The following MTHFD1 variants were observed in gnomAD, a reference collection of about 807,000 sequenced individuals.
MTHFD1 encodes the protein methylenetetrahydrofolate dehydrogenase, cyclohydrolase and formyltetrahydrofolate synthetase 1.
In MTHFD1, 44 loss-of-function variants were observed where a neutral mutation model predicts 110.3. That is an observed-to-expected ratio of 0.40 (90% confidence interval 0.31 to 0.51). The LOEUF (loss-of-function observed/expected upper bound fraction) is 0.51. Ranked by LOEUF, MTHFD1 falls within the 20% of genes least tolerant of loss-of-function variation. The pLI, the probability that MTHFD1 is intolerant of heterozygous loss-of-function variation, is 0.60. For missense variants in MTHFD1, 909 were observed against 1,173.1 expected (o/e 0.77, Z 3.29); for synonymous variants, 402 against 428.8 (o/e 0.94, Z 0.77).
At chr14:64,391,931 A>G (rs1324990491) in intron 1 of MTHFD1, among the ~76,000 whole-genome samples, 1 of 152,224 alleles carries the variant, frequency 6.6e-6, no homozygotes, top group Non-Finnish European at 1.5e-5. Context: ...ACTGATGGGT[A>G]GAGACAGACA....
chr14:64,400,825 C>G lies in MTHFD1; in HGVS notation c.74C>G (p.Thr25Ser). The change falls in exon 2 of 28, where the codon ACT becomes AGT. Residue 25 changes from threonine to serine, a missense_variant. Transcript: ENST00000652337. ...AGGGCGAGACTGAAAAATCAAGTCA[C>G]TCAGTTGAAGGAGCAAGTACCTGGT... is the stretch of plus-strand genomic sequence containing the variant. ...QIRARLKNQV[T>S]QLKEQVPGFT... 1 of 1,613,948 alleles carries G rather than the reference C, an allele frequency of 6.2e-7. No individual in the cohort carries two copies. Among genetic ancestry groups the G allele is most frequent in the Non-Finnish European group, 8.5e-7 (1 of 1,179,876 alleles).
At chr14:64,458,573 A>G (rs1239782925) in intron 27 of MTHFD1, 11 of 487,048 alleles carry the variant, frequency 2.3e-5, no homozygotes, top group African/African-American at 3.9e-5. Context: ...CTGTCCAATA[A>G]ACTACAGAGG....
chr14:64,435,182 C>T (rs1461953662), intron 15 of MTHFD1, among the ~76,000 whole-genome samples: 1 of 151,850 alleles, frequency 6.6e-6, no homozygotes, highest in Admixed American at 6.6e-5. Flanking sequence ...AACTCCTGAC[C>T]TCAGGTGATC....
At chr14:64,432,184 T>C (rs1220546683) in intron 15 of MTHFD1, among the ~76,000 whole-genome samples, 1 of 152,238 alleles carries the variant, frequency 6.6e-6, no homozygotes, top group Non-Finnish European at 1.5e-5. Context: ...GTTTGCATCA[T>C]TGGGACCTTA....
intron 8 of MTHFD1, among the ~76,000 whole-genome samples, chr14:64,423,862 G>A (rs2078096277): frequency 6.6e-6 from 1 of 151,856 alleles, no homozygotes; most frequent in Non-Finnish European, 1.5e-5. Context: ...AAGTAGCTGG[G>A]ACTACAGGTG....
rs377397939 is a variant in MTHFD1, at chr14:64,411,098, C to T, written c.135C>T (p.Asn45=). The change falls in exon 3 of 28, where the codon AAC becomes AAT. Residue 45 remains asparagine (N), a synonymous_variant. Coordinates refer to ENST00000652337, the MANE Select transcript of MTHFD1 (RefSeq NM_005956.4). ...TGCATTTATTATTCTAGGTTGGCAA[C>T]AGAGATGATTCCAATCTTTATATAA... ...TPRLAILQVG[N]RDDSNLYINV... The T allele has an allele frequency of 1.2e-5, 20 of 1,611,080 alleles. No homozygotes were observed. In the African/African-American group the frequency reaches 2.0e-4, roughly 16 times the overall value.
intron 22 of MTHFD1, among the ~76,000 whole-genome samples, chr14:64,445,701 C>T (rs1047759221): frequency 2.6e-5 from 4 of 152,282 alleles, no homozygotes; most frequent in Middle Eastern, 3.4e-3. Context: ...CTGATTCACG[C>T]GTAGGAGGGG....
chr14:64,425,758 T>G lies in MTHFD1; in HGVS notation c.884T>G (p.Leu295Arg), dbSNP rs1566564772. 1 of 1,613,254 alleles carries G rather than the reference T, an allele frequency of 6.2e-7. No homozygotes were observed. The highest frequency in any genetic ancestry group is 8.5e-7 in the Non-Finnish European group (1 of 1,179,960). The change falls in exon 10 of 28, where the codon CTG (leucine) becomes CGG (arginine). Residue 295 changes from leucine (L) to arginine (R), a missense_variant. Transcript: ENST00000652337. ...QSTVESAKRF[L>R]EKFKPGKWMI... ...ACAGTAGAGAGTGCCAAGCGTTTCC[T>G]GGAGAAATTTAAGCCAGGAAAGTGG...
chr14:64,392,420 T>G (rs1179176623), intron 1 of MTHFD1, among the ~76,000 whole-genome samples: 1 of 152,190 alleles, frequency 6.6e-6, no homozygotes, highest in East Asian at 1.9e-4. Flanking sequence ...GCTTACTACA[T>G]TTATATGATT....
At chr14:64,401,522 G>A (rs1238773854) in intron 2 of MTHFD1, among the ~76,000 whole-genome samples, 1 of 152,120 alleles carries the variant, frequency 6.6e-6, no homozygotes, top group Non-Finnish European at 1.5e-5. Flanking sequence ...GGCCAACATG[G>A]TGAAACCCCA....
chr14:64,439,320 C>T (rs145005715), intron 17 of MTHFD1, 148 bp downstream of exon 17: 51 of 702,696 alleles, frequency 7.3e-5, no homozygotes, highest in Non-Finnish European at 1.2e-4. Flanking sequence ...AGGTGTGTGG[C>T]ATTGAGCACT....
chr14:64,447,179 CAG>C (rs2078297044), intron 22 of MTHFD1, among the ~76,000 whole-genome samples: 1 of 93,160 alleles, frequency 1.1e-5, no homozygotes, highest in South Asian at 3.6e-4. Flanking sequence ...TTTTTTGAGA[CAG>C]AGTCTTGCTC....
chr14:64,391,023 G>T (rs2077799920), intron 1 of MTHFD1, among the ~76,000 whole-genome samples: 1 of 152,202 alleles, frequency 6.6e-6, no homozygotes, highest in South Asian at 2.1e-4. Context: ...GGCCAGAAAA[G>T]TGATGTGATT....
chr14:64,435,811 T>A, intron 16 of MTHFD1, 140 bp downstream of exon 16: 1 of 696,530 alleles, frequency 1.4e-6, no homozygotes, highest in Non-Finnish European at 2.7e-6. Flanking sequence ...GATGGTGACA[T>A]TATTTCTTTT....
At chr14:64,433,560 G>A (rs1596548409) in intron 15 of MTHFD1, among the ~76,000 whole-genome samples, 1 of 152,094 alleles carries the variant, frequency 6.6e-6, no homozygotes, top group East Asian at 1.9e-4. Context: ...TGAGACTACA[G>A]CCAGGTACCA....
chr14:64,455,224 C>T (rs2078450221), intron 26 of MTHFD1: 1 of 333,876 alleles, frequency 3.0e-6, no homozygotes, highest in African/African-American at 2.1e-5. Context: ...GGGAGCCTTA[C>T]ATAGATTAAC....
intron 26 of MTHFD1, among the ~76,000 whole-genome samples, chr14:64,455,871 G>A (rs1379749989): frequency 6.6e-6 from 1 of 152,222 alleles, no homozygotes. Context: ...GTGGTGCTTA[G>A]CACAAATGCC....
Position 64,442,113 on chromosome 14 carries a change from C to T in MTHFD1, c.1944C>T (p.Ser648=), listed in dbSNP as rs1323467373. ...PFANIAHGNS[S]IIADRIALKL... ...CCAACATCGCACATGGCAATTCCTC[C>T]ATCATTGCAGACCGGATCGCACTCA... Residue 648 remains serine, a synonymous_variant, in exon 20 of 28, where the codon TCC becomes TCT. Transcript: ENST00000652337. The T allele has an allele frequency of 1.9e-6, 3 of 1,614,176 alleles. No homozygotes were observed. The highest frequency in any genetic ancestry group is 2.5e-6 in the Non-Finnish European group (3 of 1,180,026).
In MTHFD1 at chr14:64,397,168, TATATATATATATATATATATATA is replaced by T. The variant is rs1190486671; in HGVS notation, c.42-3623_42-3601del. 9.0e-4 allele frequency among the ~76,000 whole-genome samples: 17 copies of T among 18,788 alleles called. 1 individual carries two copies. The highest frequency in any genetic ancestry group is 4.7e-3 in the African/African-American group (15 of 3,202). The allele number at this position is 18,788 out of a possible 152,430, so 12.3% of individuals were successfully genotyped here. ...ATATATATATATATATATATATATA[TATATATATATATATATATATATA>T]AAAAACAGTAATCTATTGGGGCAGG... On this transcript the variant is annotated intron_variant, in intron 1 of 27. Transcript: ENST00000652337.
Sources: allele counts gnomAD v4.1 joint callset (sites outside exome capture counted in the v4.1 genomes callset), GRCh38; gene constraint gnomAD v4.1.1; transcripts MANE v1.5; gene names NCBI Gene and HGNC (gene_info 2026-07-23, HGNC 2026-07-21).